CADPS: variants seen among roughly 807,000 people sequenced by gnomAD.
CADPS encodes the protein calcium dependent secretion activator.
CADPS carries 57 observed loss-of-function variants against 167.3 expected under a neutral mutation model. That is an observed-to-expected ratio of 0.34 (90% CI 0.28 to 0.42). CADPS has a LOEUF of 0.42. CADPS is among the 20% of genes least tolerant of loss of function. CADPS has a pLI of 1.00. For synonymous variants in CADPS, 676 were observed against 635.3 expected, an observed-to-expected ratio of 1.06 and a Z score of -0.96; for missense variants, 1,414 against 1,738.1, an observed-to-expected ratio of 0.81 and a Z score of 3.32.
intron 6 of CADPS, among the ~76,000 whole-genome samples, chr3:62,634,079 G>A (rs1439675144): frequency 1.3e-5 from 2 of 152,122 alleles, no homozygotes; most frequent in Non-Finnish European, 1.5e-5. Context: ...CATTGACAGC[G>A]GGTTGTTAAG....
At chr3:62,813,488 T>A (rs1432960909) in intron 1 of CADPS, among the ~76,000 whole-genome samples, 1 of 152,122 alleles carries the variant, frequency 6.6e-6, no homozygotes, top group African/African-American at 2.4e-5. Context: ...GACTTAACTG[T>A]AAGTCCTAAA....
chr3:62,737,724 T>C (rs2079296112), intron 3 of CADPS, among the ~76,000 whole-genome samples: 1 of 152,184 alleles, frequency 6.6e-6, no homozygotes, highest in Non-Finnish European at 1.5e-5. Context: ...ATCTTATGTC[T>C]TGGTATCCTT....
At chr3:62,594,290 T>G (rs1409104981) in intron 6 of CADPS, among the ~76,000 whole-genome samples, 2 of 150,228 alleles carry the variant, frequency 1.3e-5, no homozygotes, top group Non-Finnish European at 3.0e-5. Context: ...GCCTCCCAAG[T>G]AGCTGGGACT....
intron 3 of CADPS, among the ~76,000 whole-genome samples, chr3:62,698,228 TA>T (rs774262841): frequency 5.3e-5 from 8 of 152,276 alleles, no homozygotes; most frequent in Admixed American, 1.3e-4. Flanking sequence ...ATAAATGCTC[TA>T]AAATGTTTGC....
chr3:62,861,381 G>T (rs1206438228), intron 1 of CADPS, among the ~76,000 whole-genome samples: 1 of 152,144 alleles, frequency 6.6e-6, no homozygotes, highest in Non-Finnish European at 1.5e-5. Flanking sequence ...CCCACACATT[G>T]TGACAAGTAC....
chr3:62,858,893 T>A (rs2080214597), intron 1 of CADPS, among the ~76,000 whole-genome samples: 2 of 152,324 alleles, frequency 1.3e-5, no homozygotes, highest in Non-Finnish European at 1.5e-5. Flanking sequence ...CCTTTGTTGC[T>A]ATCATATTTA....
intron 17 of CADPS, among the ~76,000 whole-genome samples, chr3:62,512,170 G>A (rs1040759550): frequency 2.0e-5 from 3 of 152,080 alleles, no homozygotes; most frequent in Admixed American, 6.6e-5. Context: ...CTCAAAATAA[G>A]ATCAGAAGTT....
chr3:62,863,722 C>T (rs2153193473), intron 1 of CADPS, among the ~76,000 whole-genome samples: 1 of 152,310 alleles, frequency 6.6e-6, no homozygotes, highest in East Asian at 1.9e-4. Flanking sequence ...CAGAAGAATT[C>T]TCAGCCATTG....
At chr3:62,689,813 G>A (rs1197142354) in intron 3 of CADPS, among the ~76,000 whole-genome samples, 1 of 152,010 alleles carries the variant, frequency 6.6e-6, no homozygotes, top group Non-Finnish European at 1.5e-5. Flanking sequence ...CTAGAAAGAA[G>A]TAGCTCCTGA....
At chr3:62,772,472 A>G (rs141785098) in intron 1 of CADPS, among the ~76,000 whole-genome samples, 3,456 of 152,298 alleles carry the variant, frequency 0.023, 65 homozygotes, top group South Asian at 0.061. Context: ...CTGAGAATAC[A>G]AATCTATTGT....
intron 16 of CADPS, chr3:62,513,632 A>G: frequency 1.3e-6 from 2 of 1,549,304 alleles, no homozygotes; most frequent in Non-Finnish European, 1.8e-6. Flanking sequence ...GGTGGTAGGT[A>G]CTCACGAATG....
Position 62,478,072 on chromosome 3 carries a change from G to C in CADPS, c.3329+189C>G. 1 of 587,184 alleles carries C rather than the reference G, an allele frequency of 1.7e-6. No homozygotes were observed. The highest frequency in any genetic ancestry group is 2.8e-5 in the South Asian group (1 of 36,074). The allele number at this position is 587,184 out of a possible 1,614,324, so 36.4% of individuals were successfully genotyped here. A position where few individuals can be genotyped will look rare whatever the true frequency, so the allele number is the denominator to read the frequency against. ...TTGGCAGCCAGATTATTTTGGGTTT[G>C]GGACAGATGGAGGGCAGGTGAATGG... On this transcript the variant is annotated intron_variant, in intron 23 of 29. Coordinates refer to ENST00000383710, the MANE Select transcript of CADPS (RefSeq NM_003716.4). This position sits in a 1 kb window ranked among gnomAD's most constrained non-coding sequence, Gnocchi z 5.7.
At chr3:62,553,915 G>C (rs1258163884) in intron 10 of CADPS, among the ~76,000 whole-genome samples, 1 of 152,162 alleles carries the variant, frequency 6.6e-6, no homozygotes, top group Non-Finnish European at 1.5e-5. Flanking sequence ...GGAGAACGAG[G>C]GGCACAGTCC....
intron 21 of CADPS, among the ~76,000 whole-genome samples, chr3:62,486,228 C>T (rs530932740): frequency 7.2e-5 from 11 of 152,190 alleles, no homozygotes; most frequent in South Asian, 2.1e-4. Flanking sequence ...TGGTGGATCA[C>T]GAGGTCAGGA....
intron 28 of CADPS, among the ~76,000 whole-genome samples, chr3:62,407,038 T>C (rs1708749217): frequency 6.6e-6 from 1 of 152,148 alleles, no homozygotes; most frequent in Admixed American, 6.6e-5. Context: ...TTCTGATGGG[T>C]AAATGAAATC....
In CADPS at chr3:62,548,728, T is replaced by G. The variant is rs149172883; in HGVS notation, c.1966+1175A>C. Reference sequence around the variant, plus strand: ...AGCACTGTGTTAGAGGTTAAGTCTCTGCATTTGCATTTGTTTTCCTTCAGC... The same window carrying G: ...AGCACTGTGTTAGAGGTTAAGTCTCGGCATTTGCATTTGTTTTCCTTCAGC... On this transcript the variant is annotated intron_variant, in intron 11 of 29. Coordinates refer to ENST00000383710, the MANE Select transcript of CADPS (RefSeq NM_003716.4). Among the ~76,000 whole-genome samples, 989 of 152,360 alleles carry G rather than the reference T, an allele frequency of 6.5e-3. 9 individuals carry two copies. The highest frequency in any genetic ancestry group is 0.023 in the African/African-American group (940 of 41,582).
intron 23 of CADPS, among the ~76,000 whole-genome samples, chr3:62,475,563 G>A (rs999141236): frequency 8.7e-6 from 1 of 115,468 alleles, no homozygotes; most frequent in Non-Finnish European, 1.7e-5. Context: ...TAATTTCTAA[G>A]GTTGGGAGCC....
chr3:62,536,411 G>A lies in CADPS; in HGVS notation c.2103+34C>T, dbSNP rs1246265608. 7 of 1,579,190 alleles carry A rather than the reference G, an allele frequency of 4.4e-6. No individual in the cohort carries two copies. In the Admixed American group the frequency reaches 7.1e-5, roughly 16 times the overall value. ...ATATTTAAATGAAAAAAAATGTTAT[G>A]TTTAAATTGCTGTAGACCAAAGAAT... On this transcript the variant is annotated intron_variant, in intron 12 of 29. Coordinates refer to ENST00000383710, the MANE Select transcript of CADPS (RefSeq NM_003716.4).
chr3:62,755,606 G>T (rs896602853), intron 2 of CADPS, among the ~76,000 whole-genome samples: 3 of 151,582 alleles, frequency 2.0e-5, no homozygotes, highest in Admixed American at 6.6e-5. Context: ...GTGGAGAGAT[G>T]TTTTTTTTTA....
Sources: allele counts gnomAD v4.1 joint callset (sites outside exome capture counted in the v4.1 genomes callset), GRCh38; gene constraint gnomAD v4.1.1; non-coding constraint Gnocchi (gnomAD v3.1); transcripts MANE v1.5; gene names NCBI Gene and HGNC (gene_info 2026-07-23, HGNC 2026-07-21).